ADCY2: variants seen among roughly 807,000 people sequenced by gnomAD.
ADCY2 encodes the protein adenylate cyclase type 2.
A neutral mutation model predicts 125.2 loss-of-function variants in ADCY2; 31 were observed. The ratio of observed to expected loss-of-function variants is 0.25; its 90% confidence interval spans 0.19 to 0.33. ADCY2 has a LOEUF of 0.33. ADCY2 is among the 10% of genes least tolerant of loss of function. The probability of loss-of-function intolerance (pLI) is 1.00; values close to 1 mark genes in which losing one functional copy is unlikely to be tolerated. For missense variants in ADCY2, 904 were observed against 1,418.2 expected (o/e 0.64, Z 5.82); for synonymous variants, 512 against 548.4 (o/e 0.93, Z 0.93).
At chr5:7,737,601 A>G (rs963128706) in intron 14 of ADCY2, among the ~76,000 whole-genome samples, 27 of 152,338 alleles carry the variant, frequency 1.8e-4, no homozygotes, top group African/African-American at 6.3e-4. Context: ...AGAGATGGAT[A>G]GAAATATACT....
At chr5:7,614,273 A>G (rs1737675579) in intron 3 of ADCY2, among the ~76,000 whole-genome samples, 1 of 152,164 alleles carries the variant, frequency 6.6e-6, no homozygotes, top group African/African-American at 2.4e-5. Flanking sequence ...CAGCCCTCCT[A>G]CGACTAAGAA....
Position 7,709,467 on chromosome 5 carries a change from CA to C in ADCY2, c.1578+84del, listed in dbSNP as rs909067011. 5.7e-6 allele frequency: 8 copies of C among 1,410,292 alleles called. No individual in the cohort carries two copies. In the African/African-American group the frequency reaches 1.2e-4, roughly 21 times the overall value. 87.4% of individuals were successfully genotyped at this position (1,410,292 alleles called of 1,614,324 possible). ...AAACCAAAGGCTGGGCATCTCCTGC[CA>C]AAATAACTCCTTTCTGTAAGAAACA... On this transcript the variant is annotated intron_variant, in intron 10 of 24. Coordinates refer to ENST00000338316, the MANE Select transcript of ADCY2 (RefSeq NM_020546.3). The surrounding 1 kb of genome is among the most constrained non-coding windows in gnomAD (Gnocchi z 4.4).
At chr5:7,525,413 C>T (rs1229642654) in intron 3 of ADCY2, among the ~76,000 whole-genome samples, 1 of 152,162 alleles carries the variant, frequency 6.6e-6, no homozygotes, top group Non-Finnish European at 1.5e-5. Context: ...ATCTTTGGAG[C>T]CCTTTCCTGC....
chr5:7,525,853 C>T (rs1473874008), intron 3 of ADCY2, among the ~76,000 whole-genome samples: 4 of 152,170 alleles, frequency 2.6e-5, no homozygotes, highest in Admixed American at 1.3e-4. Context: ...GTGTCTGTAA[C>T]CAGCCTCCTG....
chr5:7,790,000 G>A (rs1744202835), intron 20 of ADCY2, among the ~76,000 whole-genome samples, 200 bp downstream of exon 20: 1 of 152,242 alleles, frequency 6.6e-6, no homozygotes, highest in Admixed American at 6.5e-5. Flanking sequence ...AGAATAGTGG[G>A]TTAGAATGAC....
chr5:7,824,877 T>G (rs985723791), intron 24 of ADCY2, among the ~76,000 whole-genome samples: 1 of 152,226 alleles, frequency 6.6e-6, no homozygotes, highest in Non-Finnish European at 1.5e-5. Context: ...CTTCTACCTC[T>G]GCCCCAACAG....
chr5:7,728,882 C>T (rs1404238664), intron 14 of ADCY2, among the ~76,000 whole-genome samples: 1 of 152,156 alleles, frequency 6.6e-6, no homozygotes, highest in African/African-American at 2.4e-5. Flanking sequence ...GACAAAAAGA[C>T]TTCCAGGAAC....
intron 15 of ADCY2, among the ~76,000 whole-genome samples, chr5:7,748,028 C>T (rs571628404): frequency 1.6e-4 from 24 of 152,332 alleles, no homozygotes; most frequent in East Asian, 3.9e-4. Context: ...CGCATTCTGG[C>T]GGGTTCCCAG....
In ADCY2 at chr5:7,695,784, G is replaced by A. The variant is rs1390769718; in HGVS notation, c.902G>A (p.Arg301Gln). ...ILYADIVGFT[R>Q]LASDCSPGEL... ...TACGCTGACATCGTTGGCTTTACCC[G>A]GCTGGCAAGTGACTGCTCCCCGGGA... The change falls in exon 6 of 25, where the codon CGG becomes CAG. Residue 301 changes from arginine (R) to glutamine (Q), a missense_variant. Physicochemically the swap from Arg to Gln is conservative, Grantham distance 43. Around this residue, in one of 7 missense-constraint regions of ADCY2, gnomAD observed 117 missense variants for 248.0 expected, o/e 0.47. Coordinates refer to ENST00000338316, the MANE Select transcript of ADCY2 (RefSeq NM_020546.3). The A allele has an allele frequency of 9.9e-6, 16 of 1,612,396 alleles. No homozygotes were observed. The highest frequency in any genetic ancestry group is 2.7e-5 in the African/African-American group (2 of 74,910).
chr5:7,471,509 G>T (rs946458132), intron 2 of ADCY2, among the ~76,000 whole-genome samples: 2 of 151,744 alleles, frequency 1.3e-5, no homozygotes, highest in Non-Finnish European at 2.9e-5. Flanking sequence ...CTCCCAATTT[G>T]TCCCTCCCAT....
intron 3 of ADCY2, among the ~76,000 whole-genome samples, chr5:7,614,795 A>G (rs1411656640): frequency 1.3e-5 from 2 of 152,210 alleles, no homozygotes; most frequent in Non-Finnish European, 2.9e-5. Flanking sequence ...ACAGGTTTGC[A>G]GTGACTGCTT....
chr5:7,433,223 A>G (rs943756997), intron 2 of ADCY2, among the ~76,000 whole-genome samples: 2 of 152,204 alleles, frequency 1.3e-5, no homozygotes, highest in Non-Finnish European at 2.9e-5. Flanking sequence ...GTGAAGTAGA[A>G]TAAAGTTACT....
At chr5:7,438,413 A>T (rs147604428) in intron 2 of ADCY2, among the ~76,000 whole-genome samples, 28 of 152,356 alleles carry the variant, frequency 1.8e-4, no homozygotes, top group African/African-American at 6.5e-4. Flanking sequence ...TACTTGTTAG[A>T]AGATGGAGAG....
chr5:7,479,200 TA>T (rs1447489205), intron 2 of ADCY2, among the ~76,000 whole-genome samples: 4 of 151,658 alleles, frequency 2.6e-5, no homozygotes, highest in Admixed American at 6.6e-5. Context: ...AATAAAAGTA[TA>T]ACTTCTTAAA....
intron 3 of ADCY2, among the ~76,000 whole-genome samples, chr5:7,625,103 C>T (rs1381399322): frequency 1.3e-5 from 2 of 152,190 alleles, no homozygotes; most frequent in African/African-American, 4.8e-5. Context: ...GTAATTTTGT[C>T]TGAGGAAATG....
intron 2 of ADCY2, among the ~76,000 whole-genome samples, chr5:7,421,560 A>G (rs574894505): frequency 1.3e-5 from 2 of 152,326 alleles, no homozygotes; most frequent in African/African-American, 4.8e-5. Context: ...CCCTGTTTCC[A>G]AATAAGGTTA....
At chr5:7,691,633 T>G (rs1474875083) in intron 5 of ADCY2, 1 of 152,212 alleles carries the variant, frequency 6.6e-6, no homozygotes, top group African/African-American at 2.4e-5. Context: ...ACCCAGACCG[T>G]CTCGATTTCT....
chr5:7,699,387 G>A (rs531556005), intron 7 of ADCY2, among the ~76,000 whole-genome samples: 6 of 151,920 alleles, frequency 3.9e-5, no homozygotes, highest in African/African-American at 1.4e-4. Context: ...GTGAGCCACC[G>A]CGCCCGGCCA....
chr5:7,650,728 A>C (rs549714808), intron 4 of ADCY2, among the ~76,000 whole-genome samples: 77 of 152,330 alleles, frequency 5.1e-4, no homozygotes, highest in Non-Finnish European at 9.0e-4. Context: ...TTCTCTTAAA[A>C]ATTTCAATTC....
Sources: allele counts gnomAD v4.1 joint callset (sites outside exome capture counted in the v4.1 genomes callset), GRCh38; gene constraint gnomAD v4.1.1; regional missense constraint gnomAD v4.1.1; non-coding constraint Gnocchi (gnomAD v3.1); transcripts MANE v1.5; gene names NCBI Gene and HGNC (gene_info 2026-07-23, HGNC 2026-07-21).